PECR: variants seen among roughly 807,000 people sequenced by gnomAD.
The protein encoded by PECR is peroxisomal trans-2-enoyl-CoA reductase.
PECR carries 30 observed loss-of-function variants against 35.3 expected under a neutral mutation model. The ratio of observed to expected loss-of-function variants is 0.85; its 90% CI spans 0.64 to 1.15. The LOEUF (loss-of-function observed/expected upper bound fraction) is 1.15, where lower values mean the gene tolerates loss of function less well. Among genes scored for constraint, PECR ranks in the 50% most tolerant of loss-of-function variants. The pLI is 0.00. For synonymous variants in PECR, 148 were observed against 138.9 expected (o/e 1.07, Z -0.46); for missense variants, 392 against 370.8 (o/e 1.06, Z -0.47).
chr2:216,033,147 G>C (rs981541291), intron 7 of PECR, among the ~76,000 whole-genome samples: 2 of 152,102 alleles, frequency 1.3e-5, no homozygotes, highest in African/African-American at 4.8e-5. Flanking sequence ...TATAGCTGCA[G>C]ACAGATAATG....
At chr2:216,055,914 A>T (rs1371323194) in intron 4 of PECR, among the ~76,000 whole-genome samples, 1 of 152,156 alleles carries the variant, frequency 6.6e-6, no homozygotes, top group Non-Finnish European at 1.5e-5. Flanking sequence ...GTGTCTTTAC[A>T]CAGTAAATGT....
At position 216,038,627 on chromosome 2, in the gene PECR, T is replaced by C. The variant is rs1211953917; in HGVS notation, c.*648A>G. On this transcript the variant is annotated 3_prime_UTR_variant, in exon 8 of 8. Transcript: ENST00000265322. ...TTTGTTTTTGTTTTTTGGGTTTTTTTTGAGATGCAGTCTCACTCTGTAGCC... is the reference window on the plus strand; with the variant it reads ...TTTGTTTTTGTTTTTTGGGTTTTTTCTGAGATGCAGTCTCACTCTGTAGCC... The C allele has an allele frequency of 6.6e-6, 1 of 152,248 alleles. No individual in the cohort carries two copies. The highest frequency in any genetic ancestry group is 6.5e-5 in the Admixed American group (1 of 15,292). 9.4% of individuals were successfully genotyped at this position (152,248 alleles called of 1,614,324 possible).
intron 1 of PECR, among the ~76,000 whole-genome samples, chr2:216,071,656 A>T (rs1695589881): frequency 6.6e-6 from 1 of 152,184 alleles, no homozygotes; most frequent in Non-Finnish European, 1.5e-5. Flanking sequence ...AGTTCTTGTG[A>T]CATTACCACT....
At chr2:216,073,678 A>G (rs1396688665) in intron 1 of PECR, among the ~76,000 whole-genome samples, 1 of 151,768 alleles carries the variant, frequency 6.6e-6, no homozygotes, top group East Asian at 1.9e-4. Context: ...TATTTTTATT[A>G]TATCTTTTGT....
intron 1 of PECR, among the ~76,000 whole-genome samples, chr2:216,072,304 CAG>C (rs1412762581): frequency 6.6e-6 from 1 of 152,214 alleles, no homozygotes; most frequent in African/African-American, 2.4e-5. Context: ...CACAAAGGCA[CAG>C]AGTACAAAGG....
intron 4 of PECR, among the ~76,000 whole-genome samples, chr2:216,057,501 A>G (rs1695252814): frequency 6.6e-6 from 1 of 152,182 alleles, no homozygotes; most frequent in Non-Finnish European, 1.5e-5. Flanking sequence ...TATGCCCCCA[A>G]AACTATTAAC....
chr2:216,061,011 AGCCGGGAGCAGT>A, intron 3 of PECR, among the ~76,000 whole-genome samples: 1 of 151,696 alleles, frequency 6.6e-6, no homozygotes, highest in Non-Finnish European at 1.5e-5. Context: ...AAATGGAATG[AGCCGGGAGCAGT>A]GCCTCACACC....
chr2:216,045,745 A>G (rs1574679060), intron 6 of PECR, among the ~76,000 whole-genome samples: 3 of 152,232 alleles, frequency 2.0e-5, no homozygotes, highest in Admixed American at 1.3e-4. Flanking sequence ...AACTCAGCCA[A>G]TGAACATGTT....
At chr2:216,034,285 T>A (rs1694759116), downstream of PECR, among the ~76,000 whole-genome samples, 1 of 152,180 alleles carries the variant, frequency 6.6e-6, no homozygotes, top group African/African-American at 2.4e-5. Flanking sequence ...CCCTTAGACC[T>A]CCTGCTACAG....
Position 216,039,260 on chromosome 2 carries a change from C to A in PECR, c.*15G>T, listed in dbSNP as rs765652648. 4 of 1,463,678 alleles carry A rather than the reference C, an allele frequency of 2.7e-6. No homozygotes were observed. The highest frequency in any genetic ancestry group is 2.8e-5 in the African/African-American group (2 of 71,620). The allele number at this position is 1,463,678 out of a possible 1,614,324, so 90.7% of individuals were successfully genotyped here. A position where few individuals can be genotyped will look rare whatever the true frequency, so the allele number is the denominator to read the frequency against. ...TGAAGGCACTGGGGGATGGAGGACA[C>A]CTTGTTTCCTCAGCTCAGAGCTTAG... On this transcript the variant is annotated 3_prime_UTR_variant, in exon 8 of 8. Coordinates refer to ENST00000265322, the MANE Select transcript of PECR (RefSeq NM_018441.6).
chr2:216,039,883 G>A (rs1393203678), intron 7 of PECR, among the ~76,000 whole-genome samples: 3 of 152,080 alleles, frequency 2.0e-5, no homozygotes, highest in Admixed American at 2.0e-4. Flanking sequence ...CTATAACCCC[G>A]CCACAGTTAT....
intron 4 of PECR, among the ~76,000 whole-genome samples, chr2:216,056,731 A>G (rs1436155503): frequency 6.7e-6 from 1 of 149,776 alleles, no homozygotes; most frequent in Non-Finnish European, 1.5e-5. Context: ...CAGAAAAAAA[A>G]AAAAAAAAAA....
intron 6 of PECR, among the ~76,000 whole-genome samples, chr2:216,045,716 T>C (rs979850598): frequency 6.6e-6 from 1 of 152,254 alleles, no homozygotes; most frequent in Non-Finnish European, 1.5e-5. Context: ...GTTTTAACCC[T>C]GTTTGATCCA....
chr2:216,075,523 T>G (rs968799817), intron 1 of PECR, among the ~76,000 whole-genome samples: 20 of 152,238 alleles, frequency 1.3e-4, no homozygotes, highest in African/African-American at 3.6e-4. Flanking sequence ...TGCTACCTTA[T>G]AATAAACTAG....
Position 216,081,808 on chromosome 2 carries a change from G to T in PECR, c.-67C>A, listed in dbSNP as rs1207306098. 3 of 1,574,658 alleles carry T rather than the reference G, an allele frequency of 1.9e-6. No homozygotes were observed. Among genetic ancestry groups the T allele is most frequent in the Admixed American group, 1.8e-5 (1 of 56,980 alleles). On this transcript the variant is annotated 5_prime_UTR_variant, in exon 1 of 8. Coordinates refer to ENST00000265322, the MANE Select transcript of PECR (RefSeq NM_018441.6). ...TGGGTCTCAGGGACATTCGAGGCGG[G>T]CGGGCGGACAGGGCGGTGCTCGAGC...
intron 7 of PECR, among the ~76,000 whole-genome samples, chr2:216,029,447 C>T (rs966096904): frequency 7.7e-5 from 11 of 142,908 alleles, no homozygotes; most frequent in African/African-American, 1.3e-4. Context: ...CACTGCACTC[C>T]GCCTGGCGAG....
At position 216,058,896 on chromosome 2, in the gene PECR, C is replaced by G. The variant is rs62001895; in HGVS notation, c.505G>C (p.Val169Leu). ...VPTKAGFPLA[V>L]HSGAARAGVY... ...AGAAAACTATATAAAAACGCTTACA[C>G]AGCTAATGGAAATCCAGCTTTAGTA... is the stretch of plus-strand genomic sequence containing the variant. Residue 169 changes from valine to leucine, a missense_variant and splice_region_variant, in exon 4 of 8, where the codon GTG (valine) becomes CTG (leucine). Val to Leu is a conservative substitution (Grantham distance 32). Transcript: ENST00000265322. The G allele has an allele frequency of 9.5e-4, 1,491 of 1,565,178 alleles. 19 individuals carry two copies. In the African/African-American group the frequency reaches 0.018, roughly 19 times the overall value.
At chr2:216,035,834 C>T (rs1480432564), downstream of PECR, among the ~76,000 whole-genome samples, 2 of 152,148 alleles carry the variant, frequency 1.3e-5, no homozygotes, top group Non-Finnish European at 2.9e-5. Context: ...GTGCAGGCTA[C>T]TCCTGATATC....
intron 4 of PECR, among the ~76,000 whole-genome samples, chr2:216,053,790 C>T (rs1695169315): frequency 1.3e-5 from 2 of 152,002 alleles, no homozygotes; most frequent in South Asian, 2.1e-4. Flanking sequence ...TTCTCTATTG[C>T]CTCTTAAAAA....
Sources: gnomAD v4.1 joint callset for allele counts (sites outside exome capture counted in the v4.1 genomes callset) on GRCh38, gnomAD v4.1.1 for gene constraint, MANE v1.5 for transcripts, NCBI Gene and HGNC (gene_info 2026-07-23, HGNC 2026-07-21) for gene names.